The following ESRRG variants were observed in gnomAD, a reference collection of about 807,000 sequenced individuals.
ESRRG encodes the protein estrogen-related receptor gamma.
In ESRRG, 13 loss-of-function variants were observed where a neutral mutation model predicts 44.0. That is an observed-to-expected ratio of 0.30 (90% confidence interval 0.19 to 0.47). ESRRG has a LOEUF of 0.47. Ranked by LOEUF, ESRRG falls within the 20% of genes least tolerant of loss-of-function variation. The pLI, the probability that ESRRG is intolerant of heterozygous loss-of-function variation, is 1.00. For missense variants in ESRRG, 395 were observed against 580.6 expected, an observed-to-expected ratio of 0.68 and a Z score of 3.29; for synonymous variants, 215 against 214.6, an observed-to-expected ratio of 1.00 and a Z score of -0.02.
At chr1:217,045,481 G>A (rs2084704287) in intron 1 of ESRRG, among the ~76,000 whole-genome samples, 1 of 152,192 alleles carries the variant, frequency 6.6e-6, no homozygotes, top group Admixed American at 6.5e-5. Flanking sequence ...GGGGGGACCT[G>A]CTAGAGTAAA....
chr1:216,756,014 C>T (rs974153536), intron 2 of ESRRG, among the ~76,000 whole-genome samples: 1 of 151,966 alleles, frequency 6.6e-6, no homozygotes, highest in Non-Finnish European at 1.5e-5. Context: ...AGTTTGGACC[C>T]AAGTAGTGTG....
chr1:216,741,004 A>G (rs2090621793), intron 2 of ESRRG, among the ~76,000 whole-genome samples: 1 of 151,858 alleles, frequency 6.6e-6, no homozygotes, highest in Non-Finnish European at 1.5e-5. Flanking sequence ...TTAAAGTCAT[A>G]TACGAAATTG....
chr1:216,804,868 TTTCA>T (rs1435912537), intron 2 of ESRRG: 14 of 152,190 alleles, frequency 9.2e-5, no homozygotes, highest in Non-Finnish European at 2.9e-5. Flanking sequence ...CAGGTCAGAA[TTTCA>T]TTGTCACATT....
intron 1 of ESRRG, among the ~76,000 whole-genome samples, chr1:217,128,023 G>A (rs1006473286): frequency 1.4e-4 from 22 of 152,118 alleles, no homozygotes; most frequent in Non-Finnish European, 2.5e-4. Flanking sequence ...ACATGTGCTC[G>A]CTGGCCACGC....
At chr1:217,120,878 T>C (rs926000061) in intron 1 of ESRRG, among the ~76,000 whole-genome samples, 1 of 152,250 alleles carries the variant, frequency 6.6e-6, no homozygotes, top group African/African-American at 2.4e-5. Flanking sequence ...CACATTTGTC[T>C]GTGGGAATCT....
At chr1:216,630,725 C>A (rs2064014718) in intron 3 of ESRRG, among the ~76,000 whole-genome samples, 1 of 152,116 alleles carries the variant, frequency 6.6e-6, no homozygotes, top group Admixed American at 6.5e-5. Context: ...GTCCATTTCC[C>A]CTCTGCAGTG....
intron 3 of ESRRG, among the ~76,000 whole-genome samples, chr1:216,581,415 C>A (rs1413826452): frequency 6.6e-6 from 1 of 152,114 alleles, no homozygotes; most frequent in Non-Finnish European, 1.5e-5. Flanking sequence ...CAGACACAAT[C>A]CTAAACCAGT....
At chr1:216,656,084 C>T (rs553359542) in intron 2 of ESRRG, among the ~76,000 whole-genome samples, 96 of 152,158 alleles carry the variant, frequency 6.3e-4, no homozygotes, top group Middle Eastern at 3.4e-3. Context: ...GGAAACTAGA[C>T]GAAAATATTT....
chr1:216,563,773 C>T (rs903285306), intron 5 of ESRRG, among the ~76,000 whole-genome samples: 3 of 152,108 alleles, frequency 2.0e-5, no homozygotes, highest in African/African-American at 7.2e-5. Context: ...CAAAGCAAAG[C>T]TTGTGAATAT....
chr1:216,783,523 G>A (rs1392633203), intron 2 of ESRRG, among the ~76,000 whole-genome samples: 1 of 151,916 alleles, frequency 6.6e-6, no homozygotes, highest in African/African-American at 2.4e-5. Flanking sequence ...TTTTCTGATT[G>A]CAACTTTAGT....
At chr1:216,819,145 C>A (rs1487844623) in intron 2 of ESRRG, among the ~76,000 whole-genome samples, 2 of 152,126 alleles carry the variant, frequency 1.3e-5, no homozygotes, top group Non-Finnish European at 2.9e-5. Context: ...GCCTCTAGAT[C>A]TTTAAGGAAT....
intron 1 of ESRRG, among the ~76,000 whole-genome samples, chr1:216,709,110 A>G (rs1374683172): frequency 1.3e-5 from 2 of 152,100 alleles, no homozygotes; most frequent in African/African-American, 4.8e-5. Context: ...GAAATGTCTA[A>G]TGTAGATGAC....
At chr1:217,087,292 A>T (rs2092138402) in intron 1 of ESRRG, among the ~76,000 whole-genome samples, 1 of 152,208 alleles carries the variant, frequency 6.6e-6, no homozygotes, top group Non-Finnish European at 1.5e-5. Context: ...GTTATACCTT[A>T]TCTTGCTGCA....
chr1:216,693,334 G>A (rs937962536), intron 1 of ESRRG, among the ~76,000 whole-genome samples: 4 of 152,156 alleles, frequency 2.6e-5, no homozygotes, highest in African/African-American at 9.7e-5. Context: ...GTCTTGCGAT[G>A]TTGGCCAGGT....
At chr1:216,831,748 A>G in intron 2 of ESRRG, among the ~76,000 whole-genome samples, 1 of 152,128 alleles carries the variant, frequency 6.6e-6, no homozygotes, top group Non-Finnish European at 1.5e-5. Flanking sequence ...TGAAGTGAGA[A>G]AAACCAGGAT....
At chr1:216,682,928 C>T (rs1044346986) in intron 1 of ESRRG, among the ~76,000 whole-genome samples, 1 of 152,062 alleles carries the variant, frequency 6.6e-6, no homozygotes, top group African/African-American at 2.4e-5. Context: ...AAATGTGAAT[C>T]ACTTAGTAAC....
At chr1:217,044,059 T>C (rs1486098915) in intron 1 of ESRRG, among the ~76,000 whole-genome samples, 8 of 151,950 alleles carry the variant, frequency 5.3e-5, no homozygotes, top group Admixed American at 2.6e-4. Flanking sequence ...TATTGTACCC[T>C]CAATCTCAAG....
chr1:217,109,922 C>T (rs1301415320), intron 1 of ESRRG, among the ~76,000 whole-genome samples: 1 of 152,162 alleles, frequency 6.6e-6, no homozygotes, highest in African/African-American at 2.4e-5. Context: ...ACACCATATC[C>T]TTAAAGGGTC....
intron 2 of ESRRG, among the ~76,000 whole-genome samples, chr1:216,919,558 G>A (rs11572512): frequency 3.9e-5 from 6 of 152,168 alleles, no homozygotes; most frequent in South Asian, 2.1e-4. Context: ...CTTCAATAAC[G>A]CATTAAAACA....
Sources: allele counts gnomAD v4.1 joint callset (sites outside exome capture counted in the v4.1 genomes callset), GRCh38; gene constraint gnomAD v4.1.1; transcripts MANE v1.5; gene names NCBI Gene and HGNC (gene_info 2026-07-23, HGNC 2026-07-21).